Variants in EPG5 observed in about 807,000 individuals in gnomAD.
EPG5 encodes the protein ectopic P-granules 5 autophagy tethering factor.
In EPG5, 159 loss-of-function variants were observed where a neutral mutation model predicts 302.7. The ratio of observed to expected loss-of-function variants is 0.53; its 90% CI spans 0.46 to 0.60. The LOEUF is 0.60. Ranked by LOEUF, EPG5 falls within the 20% of genes least tolerant of loss-of-function variation. The probability of loss-of-function intolerance (pLI) is 0.00; values close to 1 mark genes in which losing one functional copy is unlikely to be tolerated. For missense variants in EPG5, 2,896 were observed against 3,092.4 expected (o/e 0.94, Z 1.51); for synonymous variants, 1,158 against 1,136.8 (o/e 1.02, Z -0.37).
rs147632140 is a variant in EPG5 at position 45,893,881 on chromosome 18, C to T, written c.4810-3941G>A. On this transcript the variant is annotated intron_variant, in intron 27 of 43. Coordinates refer to ENST00000282041, the MANE Select transcript of EPG5 (RefSeq NM_020964.3). ...CCAATTTCCATGATGTCTGTCATGG[C>T]CAAACAATATCCACAAAATTCCCCA... is the stretch of plus-strand genomic sequence containing the variant. Among the ~76,000 whole-genome samples, 580 of 152,216 alleles carry T rather than the reference C, an allele frequency of 3.8e-3. 1 individual carries two copies. Among genetic ancestry groups the T allele is most frequent in the African/African-American group, 0.013 (552 of 41,514 alleles).
At chr18:45,904,739 A>T (rs1381040483) in intron 24 of EPG5, among the ~76,000 whole-genome samples, 3 of 93,578 alleles carry the variant, frequency 3.2e-5, no homozygotes, top group South Asian at 4.0e-4. Context: ...AAAATAAATA[A>T]AAAAAAAACT....
chr18:45,812,531 A>T, the EPG5 span, among the ~76,000 whole-genome samples: 1 of 152,198 alleles, frequency 6.6e-6, no homozygotes, highest in East Asian at 1.9e-4. Flanking sequence ...CTACAAGGCT[A>T]CAGTAACCAA....
intron 35 of EPG5, among the ~76,000 whole-genome samples, chr18:45,873,783 A>C (rs975035821): frequency 6.6e-6 from 1 of 152,192 alleles, no homozygotes; most frequent in Non-Finnish European, 1.5e-5. Flanking sequence ...AAGAGTTTAC[A>C]CCTCTTCAAG....
intron 1 of EPG5, among the ~76,000 whole-genome samples, chr18:45,958,149 G>GA (rs2051071783): frequency 6.6e-6 from 1 of 152,172 alleles, no homozygotes; most frequent in Non-Finnish European, 1.5e-5. Flanking sequence ...CTTGTACTCT[G>GA]AAACTTACAA....
At chr18:45,873,618 G>T (rs1257291947) in intron 35 of EPG5, among the ~76,000 whole-genome samples, 5 of 152,086 alleles carry the variant, frequency 3.3e-5, no homozygotes, top group Non-Finnish European at 7.4e-5. Context: ...AAAGCAGCTA[G>T]AAGTCTGCCT....
intron 10 of EPG5, among the ~76,000 whole-genome samples, chr18:45,937,151 A>G (rs1275461619): frequency 1.3e-5 from 2 of 151,726 alleles, no homozygotes; most frequent in East Asian, 1.9e-4. Flanking sequence ...CTTAAAAGTA[A>G]TATCACAAAC....
the EPG5 span, chr18:45,825,849 G>T: frequency 2.5e-6 from 4 of 1,583,048 alleles, no homozygotes; most frequent in Non-Finnish European, 3.5e-6. Context: ...CTTAGGTACA[G>T]TCTCCCCTGG....
intron 30 of EPG5, among the ~76,000 whole-genome samples, chr18:45,883,623 T>TA (rs1408159231): frequency 1.5e-5 from 2 of 135,308 alleles, no homozygotes; most frequent in Admixed American, 7.3e-5. Context: ...TGTTTTTTTT[T>TA]TTTTTTTTTT....
At chr18:45,887,033 T>C (rs947853868) in intron 29 of EPG5, among the ~76,000 whole-genome samples, 6 of 152,232 alleles carry the variant, frequency 3.9e-5, no homozygotes, top group Non-Finnish European at 8.8e-5. Flanking sequence ...TCAGCATTAC[T>C]TCCTTGTAAG....
At chr18:45,819,356 G>T in the EPG5 span, among the ~76,000 whole-genome samples, 1 of 151,914 alleles carries the variant, frequency 6.6e-6, no homozygotes, top group Non-Finnish European at 1.5e-5. Context: ...CCTCTGCTTG[G>T]CAGGCTATTT....
Position 45,948,523 on chromosome 18 carries a change from G to A in EPG5, c.1551C>T (p.Ala517=), listed in dbSNP as rs778227325. The A allele has an allele frequency of 2.5e-6, 4 of 1,613,718 alleles. No homozygotes were observed. In the South Asian group the frequency reaches 3.3e-5, roughly 13 times the overall value. The change falls in exon 6 of 44, where the codon GCC becomes GCT. Residue 517 remains alanine, a synonymous_variant. Transcript: ENST00000282041. The stretch of plus-strand genomic sequence containing the variant: ...CTTACTTGACAGGAGACATCAGCAG[G>A]GCAAGGGATTGCATAAAATGAAAGA... ...SGVFHFMQSL[A]LLMSPVKNRA... is the part of the protein sequence containing the mutation.
chr18:45,940,338 G>C (rs1468474906), intron 9 of EPG5, among the ~76,000 whole-genome samples: 1 of 152,186 alleles, frequency 6.6e-6, no homozygotes, highest in Non-Finnish European at 1.5e-5. Context: ...TGAGGACGTC[G>C]GCTTTTTCCC....
chr18:45,911,504 GGA>G (rs1166866785), intron 22 of EPG5, among the ~76,000 whole-genome samples: 1 of 151,994 alleles, frequency 6.6e-6, no homozygotes, highest in Non-Finnish European at 1.5e-5. Flanking sequence ...ATGTTAGCCA[GGA>G]TGGTCTTGAT....
At chr18:45,874,919 T>C (rs1469685267) in intron 35 of EPG5, among the ~76,000 whole-genome samples, 3 of 151,822 alleles carry the variant, frequency 2.0e-5, no homozygotes, top group Non-Finnish European at 4.4e-5. Flanking sequence ...GCCTGCTGAG[T>C]TTTAACAGCA....
chr18:45,808,434 T>A, the EPG5 span, among the ~76,000 whole-genome samples: 2,792 of 152,274 alleles, frequency 0.018, 91 homozygotes, highest in African/African-American at 0.064. Flanking sequence ...CAACAGGTTA[T>A]GTAAAGTTAA....
In EPG5 at chr18:45,860,293, G is replaced by T. The variant is rs774046986; in HGVS notation, c.6820C>A (p.Leu2274Met). The T allele has an allele frequency of 1.9e-6, 3 of 1,614,228 alleles. No individual in the cohort carries two copies. The highest frequency in any genetic ancestry group is 1.3e-5 in the African/African-American group (1 of 75,056). Residue 2274 changes from leucine to methionine, a missense_variant, in exon 40 of 44, where the codon CTG (leucine) becomes ATG (methionine). By Grantham distance (15) the Leu-to-Met change is conservative. This residue lies in a region of EPG5 where 620 missense variants were observed against 704.2 expected (regional missense o/e 0.88). Transcript: ENST00000282041. ...ATAGTCGCGTTGTTCATCATCATCA[G>T]GACTTCCATAAAGAGGCTGCTGAGG... The part of the protein sequence containing the change: ...MALSSLFMEV[L>M]MMMNNATIPT...
rs1395261645 is a variant in EPG5 at position 45,848,300 on chromosome 18, T to C, written c.*4167A>G. ...TACTATCTCAAAATGAGCTGTACAG[T>C]TGGCCCAAAATGAAGAGCAGGCAGT... On this transcript the variant is annotated 3_prime_UTR_variant, in exon 44 of 44. Coordinates refer to ENST00000282041, the MANE Select transcript of EPG5 (RefSeq NM_020964.3). The C allele has an allele frequency of 6.6e-6, 1 of 152,170 alleles. No individual in the cohort carries two copies. Among genetic ancestry groups the C allele is most frequent in the Non-Finnish European group, 1.5e-5 (1 of 68,034 alleles). The allele number at this position is 152,170 out of a possible 1,614,324, so 9.4% of individuals were successfully genotyped here.
the EPG5 span, among the ~76,000 whole-genome samples, chr18:45,807,497 C>T: frequency 6.6e-6 from 1 of 152,212 alleles, no homozygotes; most frequent in Non-Finnish European, 1.5e-5. Flanking sequence ...GCCACCTCCA[C>T]TAGAACAGGT....
intron 10 of EPG5, among the ~76,000 whole-genome samples, chr18:45,935,864 C>T (rs2050511938): frequency 6.6e-6 from 1 of 152,212 alleles, no homozygotes; most frequent in Non-Finnish European, 1.5e-5. Context: ...GTTACCACTG[C>T]ATTCCAGCAA....
Sources: allele counts gnomAD v4.1 joint callset (sites outside exome capture counted in the v4.1 genomes callset), GRCh38; gene constraint gnomAD v4.1.1; regional missense constraint gnomAD v4.1.1; transcripts MANE v1.5; gene names NCBI Gene and HGNC (gene_info 2026-07-23, HGNC 2026-07-21).